Variants in WWOX observed in about 807,000 individuals in gnomAD.
WWOX encodes the protein WW domain-containing oxidoreductase.
A neutral mutation model predicts 46.2 loss-of-function variants in WWOX; 69 were observed. The ratio of observed to expected loss-of-function variants is 1.49; its 90% CI spans 1.23 to 1.82. WWOX has a LOEUF of 1.82. Among genes scored for constraint, WWOX ranks in the 40% most tolerant of loss-of-function variants. WWOX has a pLI of 0.00. For missense variants in WWOX, 919 were observed against 542.6 expected (o/e 1.69, Z -6.89); for synonymous variants, 359 against 202.6 (o/e 1.77, Z -6.56).
intron 8 of WWOX, among the ~76,000 whole-genome samples, chr16:79,191,741 G>C (rs2051140991): frequency 6.6e-6 from 1 of 152,196 alleles, no homozygotes. Flanking sequence ...TCACCCAAAA[G>C]TAGTGGAGCC....
chr16:78,462,566 G>T (rs943867491), intron 8 of WWOX, among the ~76,000 whole-genome samples: 2 of 152,286 alleles, frequency 1.3e-5, no homozygotes, highest in East Asian at 3.9e-4. Flanking sequence ...AATGACAGCC[G>T]CCGTGCTGAG....
In WWOX at chr16:78,876,958, T is replaced by C. The variant is rs568499565; in HGVS notation, c.1057-334650T>C. 3.3e-5 allele frequency among the ~76,000 whole-genome samples: 5 copies of C among 152,282 alleles called. No homozygotes were observed. The East Asian group carries it at 9.7e-4, about 29-fold the overall frequency. On this transcript the variant is annotated intron_variant, in intron 8 of 8. Transcript: ENST00000566780. ...AAGGCATAAAGTAGGAAAATGTGTT[T>C]CCTCTGTATAGTCTTATTACTTTGC...
chr16:78,665,296 A>C (rs1567474564), intron 8 of WWOX, among the ~76,000 whole-genome samples: 1 of 152,132 alleles, frequency 6.6e-6, no homozygotes, highest in African/African-American at 2.4e-5. Context: ...GAGAGTTTTC[A>C]GTTATGCATG....
At chr16:78,743,167 C>G (rs183340060) in intron 8 of WWOX, among the ~76,000 whole-genome samples, 3 of 152,138 alleles carry the variant, frequency 2.0e-5, no homozygotes, top group African/African-American at 4.8e-5. Context: ...GATATCAGTT[C>G]CCAGGCAAGG....
Position 78,697,920 on chromosome 16 carries a change from C to T in WWOX, c.1056+265168C>T, listed in dbSNP as rs961561752. ...AAGAGGTTTAGTAATGTGCTTGAGGCCATGCTACCTGTAAGCAAGAATCAC... is the reference window on the plus strand; with the variant it reads ...AAGAGGTTTAGTAATGTGCTTGAGGTCATGCTACCTGTAAGCAAGAATCAC... On this transcript the variant is annotated intron_variant, in intron 8 of 8. Coordinates refer to ENST00000566780, the MANE Select transcript of WWOX (RefSeq NM_016373.4). Among the ~76,000 whole-genome samples the T allele has an allele frequency of 1.2e-4, 19 of 152,078 alleles. 1 individual carries two copies. The highest frequency in any genetic ancestry group is 2.9e-5 in the Non-Finnish European group (2 of 68,000).
intron 8 of WWOX, among the ~76,000 whole-genome samples, chr16:78,685,949 A>G (rs1027044835): frequency 6.6e-6 from 1 of 152,088 alleles, no homozygotes; most frequent in African/African-American, 2.4e-5. Context: ...GAGGAGAGAC[A>G]TGGACCCACG....
intron 8 of WWOX, among the ~76,000 whole-genome samples, chr16:78,914,729 A>G (rs1304343817): frequency 2.0e-5 from 3 of 150,240 alleles, no homozygotes; most frequent in Non-Finnish European, 4.5e-5. Context: ...AATACAAAAA[A>G]TTAACTGGGC....
chr16:78,195,166 C>T (rs1245116366), intron 5 of WWOX, among the ~76,000 whole-genome samples: 1 of 152,152 alleles, frequency 6.6e-6, no homozygotes, highest in African/African-American at 2.4e-5. Flanking sequence ...GAGAGCCCAG[C>T]CCTTCCACTT....
At chr16:78,333,484 TAA>T (rs1048460605) in intron 5 of WWOX, among the ~76,000 whole-genome samples, 2 of 152,194 alleles carry the variant, frequency 1.3e-5, no homozygotes, top group African/African-American at 4.8e-5. Flanking sequence ...GTTTAACTGG[TAA>T]AAAATATTTT....
chr16:78,388,843 C>T (rs1281001640), intron 6 of WWOX, among the ~76,000 whole-genome samples: 1 of 151,676 alleles, frequency 6.6e-6, no homozygotes, highest in East Asian at 1.9e-4. Flanking sequence ...GAGGCACATG[C>T]CTGTAATCCC....
intron 5 of WWOX, among the ~76,000 whole-genome samples, chr16:78,228,523 G>A (rs1227171631): frequency 1.3e-5 from 2 of 151,840 alleles, no homozygotes; most frequent in African/African-American, 4.8e-5. Context: ...TGTATTTTTT[G>A]TAGAGACAGG....
chr16:78,692,943 G>C (rs1460014491), intron 8 of WWOX, among the ~76,000 whole-genome samples: 2 of 152,164 alleles, frequency 1.3e-5, no homozygotes, highest in Non-Finnish European at 2.9e-5. Flanking sequence ...GCTAAAACTT[G>C]AGTTATTAAA....
chr16:79,168,357 A>G (rs569443966), intron 8 of WWOX, among the ~76,000 whole-genome samples: 41 of 152,168 alleles, frequency 2.7e-4, no homozygotes, highest in Non-Finnish European at 4.6e-4. Context: ...CTCTGCTTTT[A>G]ATACTTCTGG....
intron 8 of WWOX, among the ~76,000 whole-genome samples, chr16:78,859,620 G>A (rs905044114): frequency 6.6e-6 from 1 of 152,070 alleles, no homozygotes; most frequent in African/African-American, 2.4e-5. Flanking sequence ...CATTTTATGT[G>A]TCAGTCCCTA....
chr16:78,975,271 A>G (rs1287425549), intron 8 of WWOX, among the ~76,000 whole-genome samples: 2 of 152,186 alleles, frequency 1.3e-5, no homozygotes, highest in Non-Finnish European at 2.9e-5. Flanking sequence ...GGCAATGTCT[A>G]GAGACATTTT....
At chr16:78,212,799 C>T (rs567688534) in intron 5 of WWOX, among the ~76,000 whole-genome samples, 1 of 152,274 alleles carries the variant, frequency 6.6e-6, no homozygotes, top group South Asian at 2.1e-4. Flanking sequence ...ACATGGAACA[C>T]AGGATGGAAC....
chr16:78,786,278 T>A (rs2142573365), intron 8 of WWOX, among the ~76,000 whole-genome samples: 1 of 152,290 alleles, frequency 6.6e-6, no homozygotes, highest in African/African-American at 2.4e-5. Flanking sequence ...GACACCTGGA[T>A]TTGTAGCGAA....
rs9925960 is a variant in WWOX, at chr16:78,530,502, A to G, written c.1056+97750A>G. 3.0e-4 allele frequency among the ~76,000 whole-genome samples: 45 copies of G among 152,278 alleles called. 1 individual carries two copies. The highest frequency in any genetic ancestry group is 1.0e-3 in the African/African-American group (43 of 41,560). On this transcript the variant is annotated intron_variant, in intron 8 of 8. Transcript: ENST00000566780. ...TCTGAAGTCCAGCCGCTTCTCTCCA[A>G]CTGTGGTCTCTAATTTCCAGCTGCT...
intron 8 of WWOX, among the ~76,000 whole-genome samples, chr16:78,652,301 C>T (rs773309189): frequency 8.7e-5 from 13 of 148,630 alleles, no homozygotes; most frequent in Non-Finnish European, 1.0e-4. Flanking sequence ...CCCAGCTACT[C>T]GGGAGCCTGA....
Sources: gnomAD v4.1 joint callset for allele counts (sites outside exome capture counted in the v4.1 genomes callset) on GRCh38, gnomAD v4.1.1 for gene constraint, MANE v1.5 for transcripts, NCBI Gene and HGNC (gene_info 2026-07-23, HGNC 2026-07-21) for gene names.